HPCA: variants seen among roughly 807,000 people sequenced by gnomAD.
HPCA encodes the protein hippocalcin, also known as neuron-specific calcium-binding protein hippocalcin.
In HPCA, 4 loss-of-function variants were observed where a neutral mutation model predicts 18.2. The ratio of observed to expected loss-of-function variants is 0.22; its 90% CI spans 0.11 to 0.50. The LOEUF is 0.50. Ranked by LOEUF, HPCA falls within the 20% of genes least tolerant of loss-of-function variation. HPCA has a pLI of 0.97. For synonymous variants in HPCA, 93 were observed against 103.5 expected, an observed-to-expected ratio of 0.90 and a Z score of 0.61; for missense variants, 161 against 265.8, an observed-to-expected ratio of 0.61 and a Z score of 2.74.
upstream of HPCA, chr1:32,886,472 G>C (rs1641365297): frequency 6.6e-6 from 1 of 152,438 alleles, no homozygotes; most frequent in Admixed American, 6.5e-5. The surrounding 1 kb of genome is among the most constrained non-coding windows in gnomAD (Gnocchi z 7.0). Flanking sequence ...GCGCGCCGCA[G>C]CAGCGCCGCC....
At chr1:32,891,225 A>C (rs1641449471) in intron 2 of HPCA, among the ~76,000 whole-genome samples, 2 of 152,338 alleles carry the variant, frequency 1.3e-5, no homozygotes, top group South Asian at 4.1e-4. Flanking sequence ...GCTGGTGCAC[A>C]CAGAGCTCTG....
chr1:32,887,278 G>A (rs1641386469), intron 1 of HPCA, among the ~76,000 whole-genome samples: 1 of 152,192 alleles, frequency 6.6e-6, no homozygotes, highest in Non-Finnish European at 1.5e-5. Context: ...TGAGGCACAT[G>A]CAGGGACATA....
In HPCA at chr1:32,888,880, G is replaced by T; in HGVS notation, c.-19G>T. 6.3e-7 allele frequency: 1 copy of T among 1,596,164 alleles called. No homozygotes were observed. On this transcript the variant is annotated splice_region_variant and 5_prime_UTR_variant, in exon 2 of 4. Transcript: ENST00000373467. ...CCTTGACCCCCTTGGGGACCCAGGTGGGACTTGGCTCGGCGGCCATGGGCA... is the reference window on the plus strand; with the variant it reads ...CCTTGACCCCCTTGGGGACCCAGGTTGGACTTGGCTCGGCGGCCATGGGCA...
rs1273586102 is a variant in HPCA at position 32,886,819 on chromosome 1, G to A, written c.-22+304G>A. ...GCGGGGGCTGGGGGACAGAGCTGAG[G>A]GAGGTTTGGAGCGGGTCCCCGGGGC... On this transcript the variant is annotated intron_variant, in intron 1 of 3. Coordinates refer to ENST00000373467, the MANE Select transcript of HPCA (RefSeq NM_002143.3). The surrounding 1 kb of genome is among the most constrained non-coding windows in gnomAD (Gnocchi z 7.0). 6.6e-6 allele frequency among the ~76,000 whole-genome samples: 1 copy of A among 152,188 alleles called. No homozygotes were observed. The highest frequency in any genetic ancestry group is 1.5e-5 in the Non-Finnish European group (1 of 68,012).
chr1:32,889,045 G>T lies in HPCA; in HGVS notation c.147G>T (p.Lys49Asn). 6.2e-7 allele frequency: 1 copy of T among 1,614,234 alleles called. No individual in the cohort carries two copies. Among genetic ancestry groups the T allele is most frequent in the Non-Finnish European group, 8.5e-7 (1 of 1,180,044 alleles). The change falls in exon 2 of 4, where the codon AAG becomes AAT. Residue 49 changes from lysine to asparagine, a missense_variant. Lys to Asn is a moderately conservative substitution (Grantham distance 94). Transcript: ENST00000373467. This position sits in a 1 kb window ranked among gnomAD's most constrained non-coding sequence, Gnocchi z 4.6. ...GAATCCTCAATGTGGATGAGTTCAAGAAGATCTACGCCAACTTCTTTCCCT... is the reference window on the plus strand; with the variant it reads ...GAATCCTCAATGTGGATGAGTTCAATAAGATCTACGCCAACTTCTTTCCCT... ...PTGILNVDEFKKIYANFFPYG... is the reference protein window; with the variant it reads ...PTGILNVDEFNKIYANFFPYG...
Position 32,894,593 on chromosome 1 carries a change from T to G in HPCA, c.*731T>G. ...ACCGCCCCCCCTGCATGCAGCCAAATGGAGCATCTCTGTTCTTTTTAATAA... is the reference window on the plus strand; with the variant it reads ...ACCGCCCCCCCTGCATGCAGCCAAAGGGAGCATCTCTGTTCTTTTTAATAA... On this transcript the variant is annotated 3_prime_UTR_variant, in exon 4 of 4. Transcript: ENST00000373467. 1 of 461,362 alleles carries G rather than the reference T, an allele frequency of 2.2e-6. No homozygotes were observed. The allele number at this position is 461,362 out of a possible 1,614,324, so 28.6% of individuals were successfully genotyped here. A position where few individuals can be genotyped will look rare whatever the true frequency, so the allele number is the denominator to read the frequency against.
At chr1:32,886,120 G>GT, upstream of HPCA, 1 of 152,648 alleles carries the variant, frequency 6.6e-6, no homozygotes, top group East Asian at 1.9e-4. This position sits in a 1 kb window ranked among gnomAD's most constrained non-coding sequence, Gnocchi z 7.0. Flanking sequence ...CAGAGCCCAG[G>GT]TGGGTATGGG....
At chr1:32,887,027 G>A (rs757395496) in intron 1 of HPCA, among the ~76,000 whole-genome samples, 1 of 152,184 alleles carries the variant, frequency 6.6e-6, no homozygotes, top group Non-Finnish European at 1.5e-5. Flanking sequence ...CAGTTCCTTG[G>A]ACCTTGAGGA....
chr1:32,889,064 T>C lies in HPCA; in HGVS notation c.166T>C (p.Phe56Leu). The change falls in exon 2 of 4, where the codon TTT becomes CTT. Residue 56 changes from phenylalanine to leucine, a missense_variant. By Grantham distance (22) the Phe-to-Leu change is conservative (BLOSUM62 0). Transcript: ENST00000373467. This position sits in a 1 kb window ranked among gnomAD's most constrained non-coding sequence, Gnocchi z 4.6. ...GTTCAAGAAGATCTACGCCAACTTC[T>C]TTCCCTATGGTGACGCCTCCAAGTT... ...DEFKKIYANFFPYGDASKFAE... is the reference protein window; with the variant it reads ...DEFKKIYANFLPYGDASKFAE... 6.2e-7 allele frequency: 1 copy of C among 1,614,286 alleles called. No homozygotes were observed. The highest frequency in any genetic ancestry group is 8.5e-7 in the Non-Finnish European group (1 of 1,180,052).
intron 2 of HPCA, among the ~76,000 whole-genome samples, chr1:32,892,922 C>G (rs1317177378): frequency 1.3e-5 from 2 of 152,180 alleles, no homozygotes; most frequent in African/African-American, 4.8e-5. Context: ...CCCAGCCCAG[C>G]CTAGCCAAGC....
At chr1:32,887,462 C>T (rs1161560245) in intron 1 of HPCA, among the ~76,000 whole-genome samples, 1 of 152,206 alleles carries the variant, frequency 6.6e-6, no homozygotes, top group African/African-American at 2.4e-5. Context: ...CACACGCCTA[C>T]ATCCTTGTGC....
chr1:32,893,897 C>A lies in HPCA; in HGVS notation c.*35C>A. On this transcript the variant is annotated 3_prime_UTR_variant, in exon 4 of 4. Coordinates refer to ENST00000373467, the MANE Select transcript of HPCA (RefSeq NM_002143.3). This position sits in a 1 kb window ranked among gnomAD's most constrained non-coding sequence, Gnocchi z 7.5. ...GGTTCCCCTTCCTCCCTCCCTTCAC[C>A]GGCCCCCTCCCGGCTCTTAGCTTCC... The A allele has an allele frequency of 7.1e-7, 1 of 1,405,190 alleles. No individual in the cohort carries two copies. Among genetic ancestry groups the A allele is most frequent in the Non-Finnish European group, 9.8e-7 (1 of 1,015,614 alleles). The allele number at this position is 1,405,190 out of a possible 1,614,324, so 87.0% of individuals were successfully genotyped here.
At chr1:32,892,748 G>A (rs1323203417) in intron 2 of HPCA, among the ~76,000 whole-genome samples, 2 of 152,138 alleles carry the variant, frequency 1.3e-5, no homozygotes, top group African/African-American at 2.4e-5. Context: ...AGGAAGTGTC[G>A]GTCGGGTAAA....
At position 32,886,823 on chromosome 1, in the gene HPCA, G is replaced by A. The variant is rs1055678042; in HGVS notation, c.-22+308G>A. On this transcript the variant is annotated intron_variant, in intron 1 of 3. Transcript: ENST00000373467. The surrounding 1 kb of genome is among the most constrained non-coding windows in gnomAD (Gnocchi z 7.0). ...GGGCTGGGGGACAGAGCTGAGGGAG[G>A]TTTGGAGCGGGTCCCCGGGGCTGGC... 1.3e-5 allele frequency among the ~76,000 whole-genome samples: 2 copies of A among 152,170 alleles called. No homozygotes were observed. Among genetic ancestry groups the A allele is most frequent in the African/African-American group, 2.4e-5 (1 of 41,450 alleles).
intron 1 of HPCA, among the ~76,000 whole-genome samples, chr1:32,887,181 G>C (rs1018874850): frequency 6.6e-6 from 1 of 152,124 alleles, no homozygotes; most frequent in Non-Finnish European, 1.5e-5. Context: ...GTGACACACC[G>C]CCGAGGACAC....
chr1:32,886,480 G>T (rs997015213), upstream of HPCA: 1 of 152,382 alleles, frequency 6.6e-6, no homozygotes, highest in Non-Finnish European at 1.5e-5. This position sits in a 1 kb window ranked among gnomAD's most constrained non-coding sequence, Gnocchi z 7.0. Flanking sequence ...CAGCAGCGCC[G>T]CCTTCCCTGC....
Position 32,893,791 on chromosome 1 carries a change from C to A in HPCA, c.511C>A (p.Arg171Ser), listed in dbSNP as rs1300323047. 3 of 1,579,940 alleles carry A rather than the reference C, an allele frequency of 1.9e-6. No homozygotes were observed. The highest frequency in any genetic ancestry group is 2.4e-5 in the East Asian group (1 of 42,548). The change falls in exon 4 of 4, where the codon CGC becomes AGC. Residue 171 changes from arginine (R) to serine (S), a missense_variant. By Grantham distance (110) the Arg-to-Ser change is moderately radical. Coordinates refer to ENST00000373467, the MANE Select transcript of HPCA (RefSeq NM_002143.3). The surrounding 1 kb of genome is among the most constrained non-coding windows in gnomAD (Gnocchi z 7.5). ...DGKLSLEEFI[R>S]GAKSDPSIVR... Reference sequence around the variant, plus strand: ...CAAGCTGTCCTTGGAGGAGTTCATCCGCGGGGCCAAAAGCGACCCGTCCAT... The same window carrying A: ...CAAGCTGTCCTTGGAGGAGTTCATCAGCGGGGCCAAAAGCGACCCGTCCAT...
At chr1:32,887,864 G>A (rs752272729) in intron 1 of HPCA, among the ~76,000 whole-genome samples, 6 of 152,046 alleles carry the variant, frequency 3.9e-5, no homozygotes, top group African/African-American at 7.3e-5. Flanking sequence ...GTGTCGATTC[G>A]TGTGAGTTGT....
chr1:32,892,191 G>C (rs1222372746), intron 2 of HPCA, among the ~76,000 whole-genome samples: 2 of 152,142 alleles, frequency 1.3e-5, no homozygotes, highest in Admixed American at 6.5e-5. Flanking sequence ...GGTCAGCAGT[G>C]GACAGATTGT....
Sources: allele counts gnomAD v4.1 joint callset (sites outside exome capture counted in the v4.1 genomes callset), GRCh38; gene constraint gnomAD v4.1.1; non-coding constraint Gnocchi (gnomAD v3.1); transcripts MANE v1.5; gene names NCBI Gene and HGNC (gene_info 2026-07-23, HGNC 2026-07-21).